CELF2: variants seen among roughly 807,000 people sequenced by gnomAD.
The protein encoded by CELF2 is CUGBP Elav-like family member 2.
CELF2 carries 8 observed loss-of-function variants against 62.6 expected under a neutral mutation model. The observed-to-expected ratio is 0.13, with a 90% CI of 0.07 to 0.23. The LOEUF is 0.23. Among genes scored for constraint, CELF2 ranks in the 10% least tolerant of loss-of-function variants. The pLI, the probability that CELF2 is intolerant of heterozygous loss-of-function variation, is 1.00. For missense variants in CELF2, 333 were observed against 671.0 expected (o/e 0.50, Z 5.56); for synonymous variants, 258 against 250.0 (o/e 1.03, Z -0.30).
intron 2 of CELF2, among the ~76,000 whole-genome samples, chr10:11,200,198 C>T (rs966243998): frequency 2.6e-5 from 4 of 152,160 alleles, no homozygotes; most frequent in African/African-American, 4.8e-5. Flanking sequence ...AGAACCAGTT[C>T]GCCCACATGA....
At chr10:10,514,388 G>A in the CELF2 span, among the ~76,000 whole-genome samples, 1 of 152,104 alleles carries the variant, frequency 6.6e-6, no homozygotes, top group Non-Finnish European at 1.5e-5. Flanking sequence ...ATAGTTATTG[G>A]GGAACATCTG....
rs556210771 is a variant in CELF2 at position 10,880,524 on chromosome 10, C to T, written c.54-39440C>T. 9.9e-5 allele frequency among the ~76,000 whole-genome samples: 15 copies of T among 152,242 alleles called. No individual in the cohort carries two copies. The South Asian group carries it at 2.1e-3, about 21-fold the overall frequency. The stretch of plus-strand genomic sequence containing the variant: ...CATCTTTTTCGGACTGACTCTTACC[C>T]GAGAATCCTTCAAGTGAGATTTGGG... On this transcript the variant is annotated intron_variant, in intron 1 of 13. Coordinates refer to the CELF2 transcript ENST00000636488.
chr10:10,666,790 A>C, the CELF2 span, among the ~76,000 whole-genome samples: 10 of 78,450 alleles, frequency 1.3e-4, 1 homozygote, highest in African/African-American at 6.2e-4. Context: ...TGAACCCGGG[A>C]GGCGGAGCTT....
chr10:10,656,542 T>TA, the CELF2 span, among the ~76,000 whole-genome samples: 35,240 of 110,388 alleles, frequency 0.32, 6,089 homozygotes, highest in South Asian at 0.55. Flanking sequence ...TATGCAGCCA[T>TA]AAAAAATGAT....
At chr10:10,549,345 G>A in the CELF2 span, among the ~76,000 whole-genome samples, 3 of 152,152 alleles carry the variant, frequency 2.0e-5, no homozygotes, top group Non-Finnish European at 2.9e-5. Flanking sequence ...GTGCAGTGGT[G>A]CAATCTTGGC....
intron 1 of CELF2, among the ~76,000 whole-genome samples, chr10:11,148,271 C>T (rs1709841942): frequency 1.3e-5 from 2 of 152,184 alleles, no homozygotes; most frequent in Admixed American, 1.3e-4. Context: ...CAGTGAGAAC[C>T]CTAAGCTGTG....
intron 1 of CELF2, among the ~76,000 whole-genome samples, chr10:11,044,127 T>A (rs1325233204): frequency 1.3e-5 from 2 of 152,178 alleles, no homozygotes; most frequent in Non-Finnish European, 2.9e-5. Context: ...GACTATCATC[T>A]CAAAAAAACA....
chr10:11,139,061 C>A (rs1371392801), intron 1 of CELF2, among the ~76,000 whole-genome samples: 1 of 152,156 alleles, frequency 6.6e-6, no homozygotes, highest in Non-Finnish European at 1.5e-5. Flanking sequence ...AAGATAGGCT[C>A]AATTACTTAA....
At chr10:11,266,447 C>A in intron 5 of CELF2, 151 bp from the exon 6 acceptor site, 4 of 509,812 alleles carry the variant, frequency 7.8e-6, no homozygotes, top group Non-Finnish European at 1.4e-5. Context: ...AAGATAAAAC[C>A]AGAGAGAGAA....
chr10:11,073,908 G>T (rs761576329), intron 1 of CELF2, among the ~76,000 whole-genome samples: 2 of 152,162 alleles, frequency 1.3e-5, no homozygotes, highest in Non-Finnish European at 2.9e-5. Context: ...TTTTCATACT[G>T]TTATCAAATG....
chr10:10,876,319 C>T (rs906050081), intron 1 of CELF2, among the ~76,000 whole-genome samples: 1 of 152,090 alleles, frequency 6.6e-6, no homozygotes, highest in Non-Finnish European at 1.5e-5. Context: ...TTGTGCTATG[C>T]TGTGGTGAGG....
chr10:10,558,098 T>A, the CELF2 span, among the ~76,000 whole-genome samples: 1 of 151,586 alleles, frequency 6.6e-6, no homozygotes, highest in African/African-American at 2.4e-5. Flanking sequence ...AGAGAGGGCA[T>A]CCCTGTCTTG....
intron 2 of CELF2, among the ~76,000 whole-genome samples, chr10:11,204,675 C>G (rs1313565038): frequency 4.6e-5 from 7 of 152,180 alleles, no homozygotes; most frequent in Admixed American, 4.6e-4. Flanking sequence ...CGCTTGATCC[C>G]CGTGTGACAG....
intron 12 of CELF2, among the ~76,000 whole-genome samples, chr10:11,327,305 A>G (rs2095801491): frequency 6.6e-6 from 1 of 152,146 alleles, no homozygotes; most frequent in Non-Finnish European, 1.5e-5. Context: ...ACAATATTCT[A>G]GATTTGGAAG....
chr10:10,974,951 T>C (rs1486849483), intron 2 of CELF2, among the ~76,000 whole-genome samples: 5 of 152,208 alleles, frequency 3.3e-5, no homozygotes, highest in Non-Finnish European at 5.9e-5. Context: ...TTGTGATATT[T>C]ATCTGCAAAT....
the CELF2 span, among the ~76,000 whole-genome samples, chr10:10,607,866 G>T: frequency 7.9e-5 from 12 of 152,272 alleles, no homozygotes; most frequent in African/African-American, 2.9e-4. Flanking sequence ...AGAGGCAGGA[G>T]AATCACTTGA....
chr10:10,848,646 G>C (rs1044628428), intron 1 of CELF2, among the ~76,000 whole-genome samples: 7 of 152,134 alleles, frequency 4.6e-5, no homozygotes, highest in Non-Finnish European at 1.0e-4. Flanking sequence ...TTCCCTTTCA[G>C]CATCAGAGAG....
chr10:10,870,915 A>T (rs980216858), intron 1 of CELF2, among the ~76,000 whole-genome samples: 20 of 152,110 alleles, frequency 1.3e-4, no homozygotes, highest in African/African-American at 4.8e-4. Flanking sequence ...TTTTCTCTAG[A>T]CATTACCGGA....
intron 2 of CELF2, among the ~76,000 whole-genome samples, chr10:10,987,950 G>A (rs191787918): frequency 9.3e-5 from 13 of 140,168 alleles, no homozygotes; most frequent in African/African-American, 3.7e-4. Context: ...TAATTAAAAC[G>A]TCAAAAAACA....
Sources: gnomAD v4.1 joint callset for allele counts (sites outside exome capture counted in the v4.1 genomes callset) on GRCh38, gnomAD v4.1.1 for gene constraint, MANE v1.5 for transcripts, NCBI Gene and HGNC (gene_info 2026-07-23, HGNC 2026-07-21) for gene names.